The following MYBPC1 variants were observed in gnomAD, a reference collection of about 807,000 sequenced individuals.
The protein encoded by MYBPC1 is myosin-binding protein C, slow-type.
In MYBPC1, 52 loss-of-function variants were observed where a neutral mutation model predicts 147.1. The observed-to-expected ratio is 0.35, with a 90% CI of 0.28 to 0.45. The LOEUF (loss-of-function observed/expected upper bound fraction) is 0.45, where lower values mean the gene tolerates loss of function less well. MYBPC1 is among the 20% of genes least tolerant of loss of function. The pLI is 1.00. For synonymous variants in MYBPC1, 477 were observed against 475.9 expected, an observed-to-expected ratio of 1.00 and a Z score of -0.03; for missense variants, 1,228 against 1,440.3, an observed-to-expected ratio of 0.85 and a Z score of 2.39.
intron 1 of MYBPC1, among the ~76,000 whole-genome samples, chr12:101,609,196 G>A (rs1312046058): frequency 2.0e-5 from 3 of 152,098 alleles, no homozygotes; most frequent in East Asian, 1.9e-4. Context: ...TATTTAGGGG[G>A]TGTGCTGAGC....
chr12:101,693,261 T>A, the MYBPC1 span, among the ~76,000 whole-genome samples: 1,303 of 152,322 alleles, frequency 8.6e-3, 26 homozygotes, highest in African/African-American at 0.029. Flanking sequence ...TCACTATTTT[T>A]AAATTATGAC....
chr12:101,630,718 A>C (rs894954120), intron 6 of MYBPC1, among the ~76,000 whole-genome samples: 1 of 152,236 alleles, frequency 6.6e-6, no homozygotes, highest in Non-Finnish European at 1.5e-5. Flanking sequence ...CAGAATTTAT[A>C]GTCTGAGAGG....
In MYBPC1 at chr12:101,652,664, C is replaced by T. The variant is rs751541025; in HGVS notation, c.1527-14C>T. On this transcript the variant is annotated splice_polypyrimidine_tract_variant and intron_variant, in intron 16 of 31. Transcript: ENST00000361466. ...CTTTGGAGTCTTAGAAATACATTTTCCTTGTTTCCTTAGGATCCACAAGTT... is the reference window on the plus strand; with the variant it reads ...CTTTGGAGTCTTAGAAATACATTTTTCTTGTTTCCTTAGGATCCACAAGTT... 2 of 1,571,896 alleles carry T rather than the reference C, an allele frequency of 1.3e-6. No homozygotes were observed. Among genetic ancestry groups the T allele is most frequent in the Admixed American group, 3.3e-5 (2 of 59,930 alleles).
At position 101,677,337 on chromosome 12, in the gene MYBPC1, T is replaced by C; in HGVS notation, c.3052T>C (p.Cys1018Arg). Reference protein sequence around the residue: ...YYFRVFSENMCGLSEDATMTK... With the variant: ...YYFRVFSENMRGLSEDATMTK... ...CTTCCGGGTCTTTTCTGAAAACATGTGTGGCCTCAGTGAGGATGCCACCAT... is the reference window on the plus strand; with the variant it reads ...CTTCCGGGTCTTTTCTGAAAACATGCGTGGCCTCAGTGAGGATGCCACCAT... Residue 1018 changes from cysteine to arginine, a missense_variant, in exon 27 of 32, where the codon TGT becomes CGT. By Grantham distance (180) the Cys-to-Arg change is radical. Coordinates refer to ENST00000361466, the MANE Select transcript of MYBPC1 (RefSeq NM_002465.4). 6 of 1,614,112 alleles carry C rather than the reference T, an allele frequency of 3.7e-6. No individual in the cohort carries two copies. Among genetic ancestry groups the C allele is most frequent in the Non-Finnish European group, 5.1e-6 (6 of 1,179,990 alleles).
chr12:101,649,180 T>C, intron 14 of MYBPC1, 80 bp from the exon 15 acceptor site: 1 of 1,275,082 alleles, frequency 7.8e-7, no homozygotes, highest in Non-Finnish European at 1.1e-6. Context: ...TTCTTCAGGA[T>C]ATTGCAATAA....
At chr12:101,676,099 C>T (rs1566008102) in intron 26 of MYBPC1, among the ~76,000 whole-genome samples, 1 of 152,060 alleles carries the variant, frequency 6.6e-6, no homozygotes, top group Non-Finnish European at 1.5e-5. Context: ...GATTTTTTTT[C>T]AGCTCATCAG....
chr12:101,677,430 G>A (rs749535521), intron 27 of MYBPC1, 36 bp downstream of exon 27: 2 of 1,612,362 alleles, frequency 1.2e-6, no homozygotes, highest in East Asian at 4.5e-5. Context: ...GAAAACCTTG[G>A]TTGACAGTGA....
At chr12:101,663,872 C>T (rs1172097250) in intron 22 of MYBPC1, among the ~76,000 whole-genome samples, 1 of 152,078 alleles carries the variant, frequency 6.6e-6, no homozygotes, top group Non-Finnish European at 1.5e-5. Flanking sequence ...TTGAATTGCA[C>T]CACAGCAATA....
intron 10 of MYBPC1, among the ~76,000 whole-genome samples, chr12:101,641,383 T>A (rs927927459): frequency 1.3e-5 from 2 of 152,238 alleles, no homozygotes; most frequent in Non-Finnish European, 2.9e-5. Flanking sequence ...GAAACCAATT[T>A]GTTTATACTA....
At chr12:101,595,685 A>C (rs1876954895) in intron 1 of MYBPC1, among the ~76,000 whole-genome samples, 1 of 152,150 alleles carries the variant, frequency 6.6e-6, no homozygotes, top group African/African-American at 2.4e-5. Context: ...ACCTGATAAA[A>C]AAGGATGTCC....
At chr12:101,667,660 TG>T in intron 22 of MYBPC1, 71 bp from the exon 23 acceptor site, 1 of 1,554,178 alleles carries the variant, frequency 6.4e-7, no homozygotes. Flanking sequence ...TGGAGTTGAC[TG>T]TAATGGTTAA....
chr12:101,653,268 ACACT>A lies in MYBPC1; in HGVS notation c.1767+24_1767+27del. 1 of 1,612,728 alleles carries A rather than the reference ACACT, an allele frequency of 6.2e-7. No homozygotes were observed. Among genetic ancestry groups the A allele is most frequent in the Non-Finnish European group, 8.5e-7 (1 of 1,179,950 alleles). On this transcript the variant is annotated intron_variant, in intron 18 of 31. Transcript: ENST00000361466. Reference sequence around the variant, plus strand: ...GATAAGGTTTGTTTTATGCTTGCACACACTCACATGCACACACACATATGCAGAC... The same window carrying A: ...GATAAGGTTTGTTTTATGCTTGCACACACATGCACACACACATATGCAGAC...
chr12:101,670,840 A>G (rs1898501509), intron 24 of MYBPC1, among the ~76,000 whole-genome samples: 1 of 152,222 alleles, frequency 6.6e-6, no homozygotes, highest in Non-Finnish European at 1.5e-5. Context: ...AATAATTTCA[A>G]TAAGGGGGAC....
chr12:101,614,719 T>A, intron 2 of MYBPC1, 188 bp downstream of exon 2: 1 of 640,494 alleles, frequency 1.6e-6, no homozygotes, highest in Non-Finnish European at 2.8e-6. Context: ...ATAATCCTCT[T>A]GTGTTAATCT....
chr12:101,679,296 G>A (rs1291791574), intron 28 of MYBPC1, among the ~76,000 whole-genome samples: 1 of 152,210 alleles, frequency 6.6e-6, no homozygotes, highest in Non-Finnish European at 1.5e-5. Context: ...CGGAGCCTAG[G>A]AGAAAGGCCA....
intron 23 of MYBPC1, 32 bp from the exon 24 acceptor site, chr12:101,670,289 T>C: frequency 6.4e-7 from 1 of 1,574,096 alleles, no homozygotes; most frequent in Middle Eastern, 1.7e-4. Context: ...ACCAGACTGA[T>C]TGCAAAATTG....
At chr12:101,675,552 C>A in intron 26 of MYBPC1, 121 bp downstream of exon 26, 1 of 1,445,576 alleles carries the variant, frequency 6.9e-7, no homozygotes, top group Non-Finnish European at 9.6e-7. Flanking sequence ...AGTGATGTGG[C>A]AGAGCAGAAA....
intron 26 of MYBPC1, among the ~76,000 whole-genome samples, chr12:101,676,063 T>C (rs1899903756): frequency 6.6e-6 from 1 of 152,236 alleles, no homozygotes. Context: ...TTGTAAACTT[T>C]CTTAAAACGT....
rs770263014 is a variant in MYBPC1, at chr12:101,677,190, A to G, written c.2950-45A>G. 8 of 1,578,766 alleles carry G rather than the reference A, an allele frequency of 5.1e-6. No individual in the cohort carries two copies. The East Asian group carries it at 1.8e-4, about 35-fold the overall frequency. ...CAATCTACAGTTAGAAAAATTGTATACTTTTAGGTGATTTTCCTCCAGTTA... is the reference window on the plus strand; with the variant it reads ...CAATCTACAGTTAGAAAAATTGTATGCTTTTAGGTGATTTTCCTCCAGTTA... On this transcript the variant is annotated intron_variant, in intron 26 of 31. Transcript: ENST00000361466.
Sources: allele counts gnomAD v4.1 joint callset (sites outside exome capture counted in the v4.1 genomes callset), GRCh38; gene constraint gnomAD v4.1.1; transcripts MANE v1.5; gene names NCBI Gene and HGNC (gene_info 2026-07-23, HGNC 2026-07-21).